DPH3: variants seen among roughly 807,000 people sequenced by gnomAD.
DPH3 encodes diphthamide biosynthesis 3.
Under a neutral mutation model 10.2 loss-of-function variants are expected in DPH3, and 8 were observed. The ratio of observed to expected loss-of-function variants is 0.79; its 90% CI spans 0.46 to 1.42. The LOEUF (loss-of-function observed/expected upper bound fraction) is 1.42, where lower values mean the gene tolerates loss of function less well. DPH3 is among the 40% of genes most tolerant of loss of function. DPH3 has a pLI of 0.00. For missense variants in DPH3, 96 were observed against 98.9 expected, an observed-to-expected ratio of 0.97 and a Z score of 0.12; for synonymous variants, 35 against 35.6, an observed-to-expected ratio of 0.98 and a Z score of 0.06.
At chr3:16,260,873 C>T in intron 2 of DPH3, 44 bp from the exon 3 acceptor site, 1 of 1,545,790 alleles carries the variant, frequency 6.5e-7, no homozygotes, top group East Asian at 2.2e-5. Flanking sequence ...AATTTCCGGT[C>T]ACAAATACAT....
chr3:16,260,892 AACC>A, intron 2 of DPH3, 63 bp from the exon 3 acceptor site: 1 of 1,437,274 alleles, frequency 7.0e-7, no homozygotes, highest in Non-Finnish European at 9.7e-7. Flanking sequence ...ATTAATATTA[AACC>A]TTCATTTTGT....
In DPH3 at chr3:16,261,832, T is replaced by C. The variant is rs1440014401; in HGVS notation, c.184-1003A>G. ...CCTTTTTGCCTCCATTCTCCTTTCCTGTCTAAAACCCATCAGTTTAGAATC... is the reference window on the plus strand; with the variant it reads ...CCTTTTTGCCTCCATTCTCCTTTCCCGTCTAAAACCCATCAGTTTAGAATC... On this transcript the variant is annotated intron_variant, in intron 2 of 2. Coordinates refer to ENST00000488423, the MANE Select transcript of DPH3 (RefSeq NM_206831.3). The surrounding 1 kb of genome is among the most constrained non-coding windows in gnomAD (Gnocchi z 7.1). Among the ~76,000 whole-genome samples, 1 of 152,218 alleles carries C rather than the reference T, an allele frequency of 6.6e-6. No individual in the cohort carries two copies. The highest frequency in any genetic ancestry group is 2.4e-5 in the African/African-American group (1 of 41,442).
Position 16,259,628 on chromosome 3 carries a change from T to C in DPH3, c.*1136A>G, listed in dbSNP as rs1221994055. The stretch of plus-strand genomic sequence containing the variant: ...CTGCAGCAAAAGAAGGGTGATAGCC[T>C]ATCTTTATATATTTCTTTTTCTCCA... On this transcript the variant is annotated 3_prime_UTR_variant, in exon 3 of 3. Coordinates refer to ENST00000488423, the MANE Select transcript of DPH3 (RefSeq NM_206831.3). 6.6e-6 allele frequency: 1 copy of C among 152,242 alleles called. No individual in the cohort carries two copies. Among genetic ancestry groups the C allele is most frequent in the Admixed American group, 6.5e-5 (1 of 15,290 alleles). 9.4% of individuals were successfully genotyped at this position (152,242 alleles called of 1,614,324 possible).
rs958227306 is a variant in DPH3, at chr3:16,258,797, T to C, written c.*1967A>G. ...AACACAGGATTCAATCTTGATGTGT[T>C]CTCCTACAGTTCACAAACTTAGTGA... On this transcript the variant is annotated 3_prime_UTR_variant, in exon 3 of 3. Transcript: ENST00000488423. 1 of 152,200 alleles carries C rather than the reference T, an allele frequency of 6.6e-6. No individual in the cohort carries two copies. Among genetic ancestry groups the C allele is most frequent in the Non-Finnish European group, 1.5e-5 (1 of 68,028 alleles). The allele number at this position is 152,200 out of a possible 1,614,324, so 9.4% of individuals were successfully genotyped here.
Position 16,261,566 on chromosome 3 carries a change from T to G in DPH3, c.184-737A>C, listed in dbSNP as rs1397574345. 6.6e-6 allele frequency among the ~76,000 whole-genome samples: 1 copy of G among 152,216 alleles called. No individual in the cohort carries two copies. Among genetic ancestry groups the G allele is most frequent in the East Asian group, 1.9e-4 (1 of 5,202 alleles). On this transcript the variant is annotated intron_variant, in intron 2 of 2. Transcript: ENST00000488423. The surrounding 1 kb of genome is among the most constrained non-coding windows in gnomAD (Gnocchi z 7.1). ...GGTAATATCTGGAAACAGTTTGAAT[T>G]GAAACAACTGAGGATTGCTATTGGC...
chr3:16,264,559 C>G (rs1264286465), intron 1 of DPH3: 1 of 604,598 alleles, frequency 1.7e-6, no homozygotes, highest in Non-Finnish European at 2.9e-6. Context: ...GCCACCCTCT[C>G]CCTGACCTAA....
At position 16,257,611 on chromosome 3, in the gene DPH3, C is replaced by T. The variant is rs897392021; in HGVS notation, c.*3153G>A. Among the ~76,000 whole-genome samples the T allele has an allele frequency of 5.9e-5, 9 of 152,332 alleles. 1 individual carries two copies. The highest frequency in any genetic ancestry group is 5.2e-4 in the Admixed American group (8 of 15,300). ...AGAATATAATTATTAAGTAACTTCT[C>T]GGAGATCACAGTGGAGGAACTAAGA... On this transcript the variant is annotated 3_prime_UTR_variant, in exon 3 of 3. Coordinates refer to ENST00000488423, the MANE Select transcript of DPH3 (RefSeq NM_206831.3).
chr3:16,262,132 C>T lies in DPH3; in HGVS notation c.184-1303G>A, dbSNP rs187449079. Among the ~76,000 whole-genome samples the T allele has an allele frequency of 1.3e-5, 2 of 152,180 alleles. No individual in the cohort carries two copies. Among genetic ancestry groups the T allele is most frequent in the Admixed American group, 1.3e-4 (2 of 15,288 alleles). On this transcript the variant is annotated intron_variant, in intron 2 of 2. Transcript: ENST00000488423. This position sits in a 1 kb window ranked among gnomAD's most constrained non-coding sequence, Gnocchi z 4.7. ...TTCACTAATGAAGGCTGAATTTCTA[C>T]CACCTTAAACCCTCTCTTGATCCTC...
In DPH3 at chr3:16,264,143, T is replaced by G; in HGVS notation, c.183+12A>C. 6.3e-7 allele frequency: 1 copy of G among 1,598,838 alleles called. No homozygotes were observed. Among genetic ancestry groups the G allele is most frequent in the Non-Finnish European group, 8.6e-7 (1 of 1,169,104 alleles). ...CAATACCCTTCCCCCGTTTTAAAAT[T>G]ATATCCCTTACTTTGTCATAAATCA... On this transcript the variant is annotated intron_variant, in intron 2 of 2. Transcript: ENST00000488423.
In DPH3 at chr3:16,264,790, T is replaced by A; in HGVS notation, c.87A>T (p.Gly29=). 6.2e-7 allele frequency: 1 copy of A among 1,614,176 alleles called. No individual in the cohort carries two copies. Among genetic ancestry groups the A allele is most frequent in the Non-Finnish European group, 8.5e-7 (1 of 1,180,024 alleles). ...TTACCTTGGTGATGGAGAAGTTATC[T>A]CCACATGGGCAGGGATAGAAATACG... is the stretch of plus-strand genomic sequence containing the variant. ...SETYFYPCPC[G]DNFSITKEDL... Residue 29 remains glycine, a synonymous_variant, in exon 1 of 3, where the codon GGA becomes GGT. Coordinates refer to ENST00000488423, the MANE Select transcript of DPH3 (RefSeq NM_206831.3).
intron 2 of DPH3, 86 bp downstream of exon 2, chr3:16,264,069 T>C: frequency 1.1e-6 from 1 of 915,410 alleles, no homozygotes. Context: ...TGAAACATTC[T>C]CCTGCACTCA....
Position 16,257,628 on chromosome 3 carries a change from G to C in DPH3, c.*3136C>G, listed in dbSNP as rs2124929898. Among the ~76,000 whole-genome samples, 1 of 152,302 alleles carries C rather than the reference G, an allele frequency of 6.6e-6. No homozygotes were observed. Among genetic ancestry groups the C allele is most frequent in the East Asian group, 1.9e-4 (1 of 5,186 alleles). On this transcript the variant is annotated 3_prime_UTR_variant, in exon 3 of 3. Transcript: ENST00000488423. ...TAACTTCTCGGAGATCACAGTGGAG[G>C]AACTAAGATTCAAATTGTCTTCTGA...
chr3:16,261,283 T>G lies in DPH3; in HGVS notation c.184-454A>C, dbSNP rs946640726. ...ATGGATAATCTGCTATGTTAGCTAC[T>G]TTGTAAATGAAGTTCAATCTCTGGT... On this transcript the variant is annotated intron_variant, in intron 2 of 2. Transcript: ENST00000488423. The surrounding 1 kb of genome is among the most constrained non-coding windows in gnomAD (Gnocchi z 7.1). Among the ~76,000 whole-genome samples the G allele has an allele frequency of 1.3e-5, 2 of 152,258 alleles. No homozygotes were observed. Among genetic ancestry groups the G allele is most frequent in the African/African-American group, 4.8e-5 (2 of 41,468 alleles).
Position 16,264,929 on chromosome 3 carries a change from C to G in DPH3, c.-53G>C. 1.3e-6 allele frequency: 2 copies of G among 1,598,484 alleles called. No homozygotes were observed. The highest frequency in any genetic ancestry group is 1.7e-6 in the Non-Finnish European group (2 of 1,168,392). On this transcript the variant is annotated 5_prime_UTR_variant, in exon 1 of 3. Coordinates refer to ENST00000488423, the MANE Select transcript of DPH3 (RefSeq NM_206831.3). Reference sequence around the variant, plus strand: ...CGCCCCAGCAGTCCGAGGCCAGCTCCGAGGGTTTAACTTCGCCGGAACCGG... The same window carrying G: ...CGCCCCAGCAGTCCGAGGCCAGCTCGGAGGGTTTAACTTCGCCGGAACCGG...
rs912254781 is a variant in DPH3 at position 16,257,148 on chromosome 3, A to C, written c.*3616T>G. ...CAGAACATGGACTAGGAGAAAGCGC[A>C]AAACAATGTTTAATTCCTTTCGGAG... On this transcript the variant is annotated 3_prime_UTR_variant, in exon 3 of 3. Transcript: ENST00000488423. Among the ~76,000 whole-genome samples, 4 of 152,246 alleles carry C rather than the reference A, an allele frequency of 2.6e-5. No homozygotes were observed.
chr3:16,264,698 A>C, intron 1 of DPH3, 71 bp downstream of exon 1: 4 of 1,457,364 alleles, frequency 2.7e-6, no homozygotes, highest in Non-Finnish European at 3.8e-6. Context: ...AGGCTACCCA[A>C]TGATGGAAGG....
chr3:16,257,100 A>G lies in DPH3; in HGVS notation c.*3664T>C, dbSNP rs2064254920. Among the ~76,000 whole-genome samples the G allele has an allele frequency of 6.6e-6, 1 of 152,236 alleles. No homozygotes were observed. Among genetic ancestry groups the G allele is most frequent in the African/African-American group, 2.4e-5 (1 of 41,470 alleles). On this transcript the variant is annotated 3_prime_UTR_variant, in exon 3 of 3. Coordinates refer to ENST00000488423, the MANE Select transcript of DPH3 (RefSeq NM_206831.3). ...AACCTTTATTCTTGATAAATTATCCAGTCTCAGGTATTGTTACAGCAGCAG... is the reference window on the plus strand; with the variant it reads ...AACCTTTATTCTTGATAAATTATCCGGTCTCAGGTATTGTTACAGCAGCAG...
chr3:16,264,883 CG>C lies in DPH3; in HGVS notation c.-8del, dbSNP rs755323929. 1.8e-5 allele frequency: 29 copies of C among 1,613,864 alleles called. No homozygotes were observed. The Admixed American group carries it at 3.5e-4, about 19-fold the overall frequency. The stretch of plus-strand genomic sequence containing the variant: ...CGTCATGAAACACTGCCATGGTCAG[CG>C]GGGGTGGCCGAAGGGGTAACGCCCC... On this transcript the variant is annotated 5_prime_UTR_variant, in exon 1 of 3. Coordinates refer to ENST00000488423, the MANE Select transcript of DPH3 (RefSeq NM_206831.3).
Position 16,258,220 on chromosome 3 carries a change from T to G in DPH3, c.*2544A>C, listed in dbSNP as rs1010422848. On this transcript the variant is annotated 3_prime_UTR_variant, in exon 3 of 3. Coordinates refer to ENST00000488423, the MANE Select transcript of DPH3 (RefSeq NM_206831.3). ...TAATTCATGATTTAGTTTGAGTTTA[T>G]AAAGGTTTTAATTGCAATTTCAGTT... The G allele has an allele frequency of 6.6e-6, 1 of 152,322 alleles. No homozygotes were observed. Among genetic ancestry groups the G allele is most frequent in the East Asian group, 1.9e-4 (1 of 5,190 alleles). The allele number at this position is 152,322 out of a possible 1,614,324, so 9.4% of individuals were successfully genotyped here.
Sources: allele counts gnomAD v4.1 joint callset (sites outside exome capture counted in the v4.1 genomes callset), GRCh38; gene constraint gnomAD v4.1.1; non-coding constraint Gnocchi (gnomAD v3.1); transcripts MANE v1.5; gene names NCBI Gene and HGNC (gene_info 2026-07-23, HGNC 2026-07-21).